Variants in MANBA observed in about 807,000 individuals in gnomAD.
The protein encoded by MANBA is mannosidase beta.
A neutral mutation model predicts 111.1 loss-of-function variants in MANBA; 83 were observed. The observed-to-expected ratio is 0.75, with a 90% CI of 0.63 to 0.90. The LOEUF is 0.90. Among genes scored for constraint, MANBA ranks in the 40% least tolerant of loss-of-function variants. MANBA has a pLI of 0.00. For synonymous variants in MANBA, 370 were observed against 378.7 expected, an observed-to-expected ratio of 0.98 and a Z score of 0.27; for missense variants, 1,036 against 1,069.0, an observed-to-expected ratio of 0.97 and a Z score of 0.43.
Position 102,632,281 on chromosome 4 carries a change from C to T in MANBA, c.2416G>A (p.Ala806Thr), listed in dbSNP as rs1008513528. ...ATGTCACCTTGCTGAGAGATGATGG[C>T]CTGAAAAAGAAAAAAAAAAATGAAT... ...AVGLCKAQIT[A>T]IISQQGDIFV... is the part of the protein sequence containing the mutation. The change falls in exon 17 of 17, where the codon GCC becomes ACC. Residue 806 changes from alanine (A) to threonine (T), a missense_variant and splice_region_variant. Physicochemically the swap from Ala to Thr is moderately conservative, Grantham distance 58. Coordinates refer to ENST00000647097, the MANE Select transcript of MANBA (RefSeq NM_005908.4). 2 of 1,561,632 alleles carry T rather than the reference C, an allele frequency of 1.3e-6. No homozygotes were observed. The highest frequency in any genetic ancestry group is 1.7e-6 in the Non-Finnish European group (2 of 1,154,670).
At chr4:102,718,144 G>A (rs1300877160) in intron 4 of MANBA, among the ~76,000 whole-genome samples, 1 of 152,162 alleles carries the variant, frequency 6.6e-6, no homozygotes, top group Non-Finnish European at 1.5e-5. Flanking sequence ...AGGAGAGAAA[G>A]GTGTCAAGAA....
intron 12 of MANBA, among the ~76,000 whole-genome samples, chr4:102,656,369 ATGCAAAT>A (rs1156528040): frequency 6.6e-6 from 1 of 152,246 alleles, no homozygotes; most frequent in Non-Finnish European, 1.5e-5. Flanking sequence ...CATCAAGGAT[ATGCAAAT>A]TTCCTGTAAA....
chr4:102,643,145 A>G (rs1373324953), intron 13 of MANBA, among the ~76,000 whole-genome samples: 1 of 152,078 alleles, frequency 6.6e-6, no homozygotes, highest in East Asian at 1.9e-4. Context: ...TCTGGAAACC[A>G]CTTAATCTAC....
At chr4:102,744,148 C>T (rs1321611465) in intron 1 of MANBA, among the ~76,000 whole-genome samples, 1 of 152,210 alleles carries the variant, frequency 6.6e-6, no homozygotes, top group Non-Finnish European at 1.5e-5. Context: ...CCTCCAAAAT[C>T]CAAATAGGCC....
chr4:102,760,587 T>C, intron 1 of MANBA, 131 bp downstream of exon 1: 1 of 1,029,522 alleles, frequency 9.7e-7, no homozygotes, highest in Non-Finnish European at 1.4e-6. Flanking sequence ...GATCACAAGA[T>C]GCAAAGGGGA....
chr4:102,657,132 A>G (rs1296922445), intron 12 of MANBA, among the ~76,000 whole-genome samples: 1 of 150,746 alleles, frequency 6.6e-6, no homozygotes, highest in Non-Finnish European at 1.5e-5. Flanking sequence ...CAATGCTGAA[A>G]CGGAATCTTT....
chr4:102,661,688 T>A (rs1371361573), intron 11 of MANBA, among the ~76,000 whole-genome samples: 2 of 152,212 alleles, frequency 1.3e-5, no homozygotes, highest in African/African-American at 4.8e-5. Context: ...CCTAAAAATA[T>A]CTGGCTTTGA....
At chr4:102,747,178 G>A (rs376380172) in intron 1 of MANBA, among the ~76,000 whole-genome samples, 1 of 147,190 alleles carries the variant, frequency 6.8e-6, no homozygotes, top group African/African-American at 2.7e-5. Context: ...TATATAAAGG[G>A]GAGTTTACTA....
intron 11 of MANBA, 60 bp downstream of exon 11, chr4:102,664,625 A>C (rs1316897081): frequency 8.2e-6 from 12 of 1,469,356 alleles, no homozygotes; most frequent in Non-Finnish European, 1.1e-5. Flanking sequence ...GGCGTGAGCC[A>C]CCACGCCCAG....
At chr4:102,636,696 G>A (rs1015182201) in intron 14 of MANBA, among the ~76,000 whole-genome samples, 6 of 152,140 alleles carry the variant, frequency 3.9e-5, no homozygotes, top group Non-Finnish European at 5.9e-5. Context: ...AGCTTCTCCC[G>A]GATAACCTTT....
intron 1 of MANBA, among the ~76,000 whole-genome samples, chr4:102,735,606 C>G (rs888363612): frequency 6.6e-6 from 1 of 151,490 alleles, no homozygotes; most frequent in Non-Finnish European, 1.5e-5. Flanking sequence ...TAATTTGGTT[C>G]CAGGTTGGTC....
intron 7 of MANBA, among the ~76,000 whole-genome samples, chr4:102,683,387 T>G (rs1732068037): frequency 6.6e-6 from 1 of 152,216 alleles, no homozygotes; most frequent in African/African-American, 2.4e-5. Flanking sequence ...AGCCTTCTGC[T>G]GCTTTTAGCA....
chr4:102,681,506 T>C (rs1731976248), intron 7 of MANBA: 1 of 152,206 alleles, frequency 6.6e-6, no homozygotes, highest in Non-Finnish European at 1.5e-5. Flanking sequence ...TAGTAGAATA[T>C]ACTTCATACA....
intron 1 of MANBA, among the ~76,000 whole-genome samples, chr4:102,743,659 T>C (rs78257891): frequency 1.3e-5 from 2 of 152,158 alleles, no homozygotes; most frequent in African/African-American, 4.8e-5. Flanking sequence ...AGCCCAATCA[T>C]GTATATACCA....
chr4:102,686,339 C>T (rs1732216106), intron 7 of MANBA, among the ~76,000 whole-genome samples: 1 of 152,188 alleles, frequency 6.6e-6, no homozygotes, highest in African/African-American at 2.4e-5. Flanking sequence ...TATGTTGATA[C>T]CACCTTTCTC....
intron 9 of MANBA, among the ~76,000 whole-genome samples, chr4:102,670,181 C>G (rs1027131927): frequency 7.1e-6 from 1 of 139,866 alleles, no homozygotes; most frequent in African/African-American, 2.9e-5. Context: ...AAAAAAAGAT[C>G]ATAGCCCCAA....
At chr4:102,642,189 T>C (rs1009813992) in intron 13 of MANBA, among the ~76,000 whole-genome samples, 2 of 152,196 alleles carry the variant, frequency 1.3e-5, no homozygotes, top group Non-Finnish European at 2.9e-5. Context: ...ACTGTACCTA[T>C]ATTTACACAT....
intron 1 of MANBA, among the ~76,000 whole-genome samples, chr4:102,747,355 A>G (rs181704744): frequency 1.6e-4 from 24 of 152,222 alleles, no homozygotes; most frequent in African/African-American, 5.8e-4. Flanking sequence ...ATAAGCCACT[A>G]TAGTCTTTTC....
At chr4:102,747,857 T>C (rs1394773430) in intron 1 of MANBA, among the ~76,000 whole-genome samples, 1 of 152,200 alleles carries the variant, frequency 6.6e-6, no homozygotes, top group African/African-American at 2.4e-5. Flanking sequence ...AGACAAACTA[T>C]TTGCTTGGCC....
Sources: gnomAD v4.1 joint callset for allele counts (sites outside exome capture counted in the v4.1 genomes callset) on GRCh38, gnomAD v4.1.1 for gene constraint, MANE v1.5 for transcripts, NCBI Gene and HGNC (gene_info 2026-07-23, HGNC 2026-07-21) for gene names.